The following ARHGAP15 variants were observed in gnomAD, a reference collection of about 807,000 sequenced individuals.
ARHGAP15 encodes the protein rho GTPase-activating protein 15.
In ARHGAP15, 51 loss-of-function variants were observed where a neutral mutation model predicts 63.7. The ratio of observed to expected loss-of-function variants is 0.80; its 90% CI spans 0.64 to 1.01. ARHGAP15 has a LOEUF of 1.01. ARHGAP15 is among the 50% of genes least tolerant of loss of function. The pLI is 0.00. For synonymous variants in ARHGAP15, 191 were observed against 193.8 expected (o/e 0.99, Z 0.12); for missense variants, 560 against 564.6 (o/e 0.99, Z 0.08).
intron 8 of ARHGAP15, among the ~76,000 whole-genome samples, chr2:143,453,583 T>C (rs1690506218): frequency 6.6e-6 from 1 of 152,044 alleles, no homozygotes; most frequent in African/African-American, 2.4e-5. Flanking sequence ...TAAAGATAAA[T>C]GATTGAAATT....
intron 12 of ARHGAP15, among the ~76,000 whole-genome samples, chr2:143,631,478 C>A (rs1699069695): frequency 6.6e-6 from 1 of 152,086 alleles, no homozygotes; most frequent in Non-Finnish European, 1.5e-5. Context: ...ACATCCTCAG[C>A]AACACTTGGT....
chr2:143,513,702 C>G (rs1693684321), intron 9 of ARHGAP15, among the ~76,000 whole-genome samples: 1 of 152,202 alleles, frequency 6.6e-6, no homozygotes. Context: ...AATTCCATTT[C>G]CATTCTCAAG....
At chr2:143,527,132 A>G (rs1181764407) in intron 10 of ARHGAP15, among the ~76,000 whole-genome samples, 1 of 152,104 alleles carries the variant, frequency 6.6e-6, no homozygotes, top group Non-Finnish European at 1.5e-5. Flanking sequence ...ACATTTTCCA[A>G]GGGATTTTTA....
intron 5 of ARHGAP15, among the ~76,000 whole-genome samples, chr2:143,246,733 G>GA (rs901079895): frequency 1.3e-5 from 2 of 151,964 alleles, no homozygotes; most frequent in African/African-American, 2.4e-5. Context: ...AGGAAGTGAA[G>GA]CCAGGAAGGA....
intron 13 of ARHGAP15, among the ~76,000 whole-genome samples, chr2:143,749,554 C>A (rs115845427): frequency 1.8e-3 from 270 of 152,234 alleles, no homozygotes; most frequent in African/African-American, 5.5e-3. Flanking sequence ...TTATTTCAGC[C>A]TTGGTGTCAC....
At chr2:143,241,756 TG>T (rs1395513534) in intron 5 of ARHGAP15, among the ~76,000 whole-genome samples, 2 of 152,186 alleles carry the variant, frequency 1.3e-5, no homozygotes, top group Non-Finnish European at 2.9e-5. Context: ...GTCTCAATCC[TG>T]GTTTTCTGGA....
chr2:143,410,132 A>C (rs921598324), intron 6 of ARHGAP15, among the ~76,000 whole-genome samples: 3 of 152,144 alleles, frequency 2.0e-5, no homozygotes, highest in African/African-American at 7.2e-5. Context: ...AATAAATAAA[A>C]ATAAAATCAA....
intron 9 of ARHGAP15, among the ~76,000 whole-genome samples, chr2:143,514,803 G>A (rs796771366): frequency 7.0e-4 from 107 of 152,274 alleles, no homozygotes; most frequent in African/African-American, 2.5e-3. Context: ...CCAGGCTGAA[G>A]GGGCAGCAGC....
chr2:143,501,973 C>T (rs4402695), intron 9 of ARHGAP15, among the ~76,000 whole-genome samples: 40,140 of 152,060 alleles, frequency 0.26, 6,090 homozygotes, highest in East Asian at 0.7. Flanking sequence ...AGGTATTGAC[C>T]GGGCAGGATG....
intron 11 of ARHGAP15, among the ~76,000 whole-genome samples, chr2:143,566,795 G>C (rs1696242088): frequency 6.6e-6 from 1 of 151,960 alleles, no homozygotes; most frequent in Non-Finnish European, 1.5e-5. Context: ...TAATTCGTCT[G>C]AGACATGCCT....
At chr2:143,594,626 C>A (rs1384979914) in intron 11 of ARHGAP15, among the ~76,000 whole-genome samples, 3 of 152,014 alleles carry the variant, frequency 2.0e-5, no homozygotes, top group Non-Finnish European at 4.4e-5. Flanking sequence ...AAATTCACAG[C>A]CTATTTTGTT....
intron 13 of ARHGAP15, among the ~76,000 whole-genome samples, chr2:143,761,411 C>T (rs2105549851): frequency 6.6e-6 from 1 of 152,248 alleles, no homozygotes; most frequent in South Asian, 2.1e-4. Context: ...GAGAAGGGAA[C>T]ATTTCTAATA....
intron 2 of ARHGAP15, among the ~76,000 whole-genome samples, chr2:143,167,638 A>G (rs572465624): frequency 2.0e-5 from 3 of 152,142 alleles, no homozygotes; most frequent in African/African-American, 7.2e-5. Context: ...ATGTACCTAG[A>G]ACCCTGGTTG....
chr2:143,171,759 C>G (rs1018256399), intron 2 of ARHGAP15, among the ~76,000 whole-genome samples: 5 of 152,100 alleles, frequency 3.3e-5, no homozygotes, highest in African/African-American at 1.2e-4. Flanking sequence ...GGTCACATGA[C>G]CTTCTGTAAC....
chr2:143,417,138 C>T (rs541844023), intron 6 of ARHGAP15, among the ~76,000 whole-genome samples: 1 of 151,886 alleles, frequency 6.6e-6, no homozygotes, highest in African/African-American at 2.4e-5. Flanking sequence ...CAGAAAGATT[C>T]AACCTGGGTC....
At chr2:143,155,772 T>G in intron 2 of ARHGAP15, 117 bp downstream of exon 2, 2 of 1,039,222 alleles carry the variant, frequency 1.9e-6, no homozygotes, top group African/African-American at 3.3e-5. Flanking sequence ...GAGAAAACTG[T>G]TTTTGTAATG....
intron 8 of ARHGAP15, among the ~76,000 whole-genome samples, chr2:143,452,481 C>T (rs944214269): frequency 2.6e-5 from 4 of 151,880 alleles, no homozygotes; most frequent in South Asian, 2.1e-4. Context: ...TTGGATTGGG[C>T]GCATTAACAC....
chr2:143,722,166 AAAAG>A (rs1330077458), intron 13 of ARHGAP15, among the ~76,000 whole-genome samples: 5 of 151,878 alleles, frequency 3.3e-5, no homozygotes, highest in South Asian at 2.1e-4. Context: ...TAGATACTTG[AAAAG>A]AAACACACAC....
intron 12 of ARHGAP15, among the ~76,000 whole-genome samples, chr2:143,635,048 G>A (rs1052113588): frequency 2.0e-5 from 3 of 151,444 alleles, no homozygotes; most frequent in Non-Finnish European, 4.4e-5. Context: ...TTGAACACAG[G>A]GACAGACAGA....
Sources: gnomAD v4.1 joint callset for allele counts (sites outside exome capture counted in the v4.1 genomes callset) on GRCh38, gnomAD v4.1.1 for gene constraint, MANE v1.5 for transcripts, NCBI Gene and HGNC (gene_info 2026-07-23, HGNC 2026-07-21) for gene names.